The following TFAP2B variants were observed in gnomAD, a reference collection of about 807,000 sequenced individuals.
TFAP2B encodes the protein transcription factor AP-2-beta.
TFAP2B carries 9 observed loss-of-function variants against 44.3 expected under a neutral mutation model. That is an observed-to-expected ratio of 0.20 (90% CI 0.12 to 0.35). The LOEUF is 0.35. TFAP2B is among the 10% of genes least tolerant of loss of function. TFAP2B has a pLI of 1.00. For synonymous variants in TFAP2B, 270 were observed against 263.8 expected (o/e 1.02, Z -0.23); for missense variants, 509 against 600.0 (o/e 0.85, Z 1.59).
chr6:50,845,609 G>T lies in TFAP2B; in HGVS notation c.*2217G>T, dbSNP rs1335972172. Reference sequence around the variant, plus strand: ...TCCCAGCTCAGAGGCCTGCGCCTTCGTCCGAGAGCTCGGCCGATCGCATTA... The same window carrying T: ...TCCCAGCTCAGAGGCCTGCGCCTTCTTCCGAGAGCTCGGCCGATCGCATTA... On this transcript the variant is annotated 3_prime_UTR_variant, in exon 7 of 7. Coordinates refer to ENST00000393655, the MANE Select transcript of TFAP2B (RefSeq NM_003221.4). The T allele has an allele frequency of 7.9e-5, 12 of 152,776 alleles. No individual in the cohort carries two copies. The highest frequency in any genetic ancestry group is 7.8e-4 in the Admixed American group (12 of 15,288). 9.5% of individuals were successfully genotyped at this position (152,776 alleles called of 1,614,324 possible).
At chr6:50,832,852 C>A (rs533761928) in intron 3 of TFAP2B, among the ~76,000 whole-genome samples, 1 of 152,264 alleles carries the variant, frequency 6.6e-6, no homozygotes, top group South Asian at 2.1e-4. Context: ...AATCATTTTT[C>A]TTTCCTCTCT....
intron 1 of TFAP2B, among the ~76,000 whole-genome samples, chr6:50,820,829 A>T (rs1216770194): frequency 6.6e-6 from 1 of 151,844 alleles, no homozygotes; most frequent in African/African-American, 2.4e-5. Context: ...TACAGAAAGT[A>T]AAGTAGCTAA....
At chr6:50,827,800 G>A (rs1011341037) in intron 2 of TFAP2B, among the ~76,000 whole-genome samples, 7 of 152,250 alleles carry the variant, frequency 4.6e-5, no homozygotes, top group African/African-American at 1.7e-4. Context: ...TGCTCCAACA[G>A]CTATTTCCTC....
Position 50,840,308 on chromosome 6 carries a change from T to C in TFAP2B, c.1082+11T>C. 1.2e-6 allele frequency: 2 copies of C among 1,613,244 alleles called. No homozygotes were observed. Among genetic ancestry groups the C allele is most frequent in the Non-Finnish European group, 1.7e-6 (2 of 1,180,024 alleles). On this transcript the variant is annotated intron_variant, in intron 6 of 6. Coordinates refer to ENST00000393655, the MANE Select transcript of TFAP2B (RefSeq NM_003221.4). The stretch of plus-strand genomic sequence containing the variant: ...GCTGTTGGCCACCAAGTGAGTTTAT[T>C]AGACTCTGGGCCCTCATCTCACTCC...
At chr6:50,822,096 T>C (rs1561957479) in intron 1 of TFAP2B, 1 of 1,300,366 alleles carries the variant, frequency 7.7e-7, no homozygotes, top group Admixed American at 2.3e-5. Flanking sequence ...TTTTAATCAT[T>C]GTTTGATTTT....
chr6:50,837,939 T>G (rs1308547958), intron 4 of TFAP2B, 36 bp from the exon 5 acceptor site: 3 of 1,528,132 alleles, frequency 2.0e-6, no homozygotes, highest in Non-Finnish European at 1.8e-6. Context: ...AGGAACACTC[T>G]AAGGTTAATC....
Position 50,822,730 on chromosome 6 carries a change from G to A in TFAP2B, c.82-677G>A, listed in dbSNP as rs114108047. On this transcript the variant is annotated intron_variant, in intron 1 of 6. Transcript: ENST00000393655. Reference sequence around the variant, plus strand: ...TTAATTCATCATTGGCTTAGGATATGATTTCGAATGAGATCCATTTCAATG... The same window carrying A: ...TTAATTCATCATTGGCTTAGGATATAATTTCGAATGAGATCCATTTCAATG... Among the ~76,000 whole-genome samples, 915 of 152,292 alleles carry A rather than the reference G, an allele frequency of 6.0e-3. 11 individuals carry two copies. The highest frequency in any genetic ancestry group is 0.02 in the African/African-American group (852 of 41,562).
Position 50,836,055 on chromosome 6 carries a change from T to G in TFAP2B, c.602-6T>G. The G allele has an allele frequency of 1.2e-6, 2 of 1,613,412 alleles. No homozygotes were observed. Among genetic ancestry groups the G allele is most frequent in the Non-Finnish European group, 1.7e-6 (2 of 1,179,360 alleles). On this transcript the variant is annotated splice_polypyrimidine_tract_variant and splice_region_variant and intron_variant, in intron 3 of 6. Transcript: ENST00000393655. ...ACCTTTATGGCAATTTTTTCTCTCT[T>G]TCTAGTTCCAGTTCCTCCCAAATCG...
In TFAP2B at chr6:50,836,300, C is replaced by CAAAAACAAAAACAA; in HGVS notation, c.821+30_821+43dup. 1 of 1,578,710 alleles carries CAAAAACAAAAACAA rather than the reference C, an allele frequency of 6.3e-7. No homozygotes were observed. Among genetic ancestry groups the CAAAAACAAAAACAA allele is most frequent in the Non-Finnish European group, 8.7e-7 (1 of 1,151,292 alleles). On this transcript the variant is annotated intron_variant, in intron 4 of 6. Coordinates refer to ENST00000393655, the MANE Select transcript of TFAP2B (RefSeq NM_003221.4). Reference sequence around the variant, plus strand: ...CAGAAGGTAACCCCACCACGAAAAACAAAAACAAAAACAAAAAAACAAACA... The same window carrying CAAAAACAAAAACAA: ...CAGAAGGTAACCCCACCACGAAAAACAAAAACAAAAACAAAAAAACAAAAACAAAAAAACAAACA...
chr6:50,833,936 G>C (rs2113946354), intron 3 of TFAP2B, among the ~76,000 whole-genome samples: 1 of 152,266 alleles, frequency 6.6e-6, no homozygotes, highest in East Asian at 1.9e-4. Flanking sequence ...GCTAAGTATA[G>C]AGGTGAGATT....
rs1770591657 is a variant in TFAP2B at position 50,828,656 on chromosome 6, T to C, written c.578T>C (p.Leu193Ser). The C allele has an allele frequency of 2.5e-6, 4 of 1,614,122 alleles. No individual in the cohort carries two copies. Among genetic ancestry groups the C allele is most frequent in the Non-Finnish European group, 3.4e-6 (4 of 1,179,980 alleles). Residue 193 changes from leucine to serine, a missense_variant, in exon 3 of 7, where the codon TTG becomes TCG. Physicochemically the swap from Leu to Ser is moderately radical, Grantham distance 145. Transcript: ENST00000393655. ...GCCAATAACAGCGGCATGAATCTATTGGACCAGTCTGTCATTAAAAAAGGT... is the reference window on the plus strand; with the variant it reads ...GCCAATAACAGCGGCATGAATCTATCGGACCAGTCTGTCATTAAAAAAGGT... ...EDANNSGMNL[L>S]DQSVIKKVPV... is the part of the protein sequence containing the mutation.
intron 4 of TFAP2B, among the ~76,000 whole-genome samples, chr6:50,837,564 C>G (rs539037253): frequency 6.6e-6 from 1 of 152,150 alleles, no homozygotes; most frequent in Non-Finnish European, 1.5e-5. Flanking sequence ...GCAGCAAGTG[C>G]GCTCTCCTCT....
intron 1 of TFAP2B, among the ~76,000 whole-genome samples, chr6:50,820,425 A>T (rs1405546298): frequency 6.6e-6 from 1 of 152,110 alleles, no homozygotes; most frequent in Non-Finnish European, 1.5e-5. Context: ...GGGTGTGTGT[A>T]TGTGTGGAGG....
rs759694302 is a variant in TFAP2B at position 50,843,235 on chromosome 6, C to T, written c.1226C>T (p.Ala409Val). Residue 409 changes from alanine (A) to valine (V), a missense_variant, in exon 7 of 7, where the codon GCC becomes GTC. Physicochemically the swap from Ala to Val is moderately conservative, Grantham distance 64. Coordinates refer to ENST00000393655, the MANE Select transcript of TFAP2B (RefSeq NM_003221.4). ...SLITHGFGAPAICAALTALQN... is the reference protein window; with the variant it reads ...SLITHGFGAPVICAALTALQN... ...ATCACGCACGGCTTCGGCGCCCCGG[C>T]CATTTGCGCCGCGCTCACGGCCCTG... The T allele has an allele frequency of 6.2e-7, 1 of 1,614,200 alleles. No homozygotes were observed. The highest frequency in any genetic ancestry group is 1.1e-5 in the South Asian group (1 of 91,080).
In TFAP2B at chr6:50,838,086, G is replaced by C. The variant is rs1762656724; in HGVS notation, c.933G>C (p.Leu311=). 1 of 1,613,446 alleles carries C rather than the reference G, an allele frequency of 6.2e-7. No homozygotes were observed. The highest frequency in any genetic ancestry group is 8.5e-7 in the Non-Finnish European group (1 of 1,179,330). ...CAAATGTCACGTTACTCACCTCCCTGGTGGAAGGTAAGCAAGACGTGTGGC... is the reference window on the plus strand; with the variant it reads ...CAAATGTCACGTTACTCACCTCCCTCGTGGAAGGTAAGCAAGACGTGTGGC... ...KAANVTLLTS[L]VEGEAVHLAR... is the part of the protein sequence containing the mutation. The change falls in exon 5 of 7, where the codon CTG becomes CTC. Residue 311 remains leucine (L), a synonymous_variant. Transcript: ENST00000393655.
intron 3 of TFAP2B, among the ~76,000 whole-genome samples, chr6:50,835,321 T>C (rs1762598594): frequency 6.6e-6 from 1 of 152,254 alleles, no homozygotes; most frequent in African/African-American, 2.4e-5. Context: ...GGTGCTTTAA[T>C]TTGTAAACAA....
In TFAP2B at chr6:50,819,468, G is replaced by A. The variant is rs76549054; in HGVS notation, c.81+496G>A. Among the ~76,000 whole-genome samples, 636 of 152,084 alleles carry A rather than the reference G, an allele frequency of 4.2e-3. 4 individuals carry two copies. The highest frequency in any genetic ancestry group is 0.015 in the African/African-American group (604 of 41,466). On this transcript the variant is annotated intron_variant, in intron 1 of 6. Coordinates refer to ENST00000393655, the MANE Select transcript of TFAP2B (RefSeq NM_003221.4). ...TCCAAGTAGAGGACAGAGAATTAGC[G>A]GGAAAGAAGTAGATGGCTGGAGATA... is the stretch of plus-strand genomic sequence containing the variant.
At chr6:50,830,255 G>C (rs888126801) in intron 3 of TFAP2B, 6 of 975,620 alleles carry the variant, frequency 6.1e-6, no homozygotes, top group Non-Finnish European at 7.3e-6. Flanking sequence ...GCTGGCAGGG[G>C]AACATGCCCA....
chr6:50,824,123 C>T (rs1028979871), intron 2 of TFAP2B, among the ~76,000 whole-genome samples: 1 of 152,186 alleles, frequency 6.6e-6, no homozygotes, highest in African/African-American at 2.4e-5. Flanking sequence ...TATGTATTTG[C>T]TTTGATACCT....
Sources: allele counts gnomAD v4.1 joint callset (sites outside exome capture counted in the v4.1 genomes callset), GRCh38; gene constraint gnomAD v4.1.1; transcripts MANE v1.5; gene names NCBI Gene and HGNC (gene_info 2026-07-23, HGNC 2026-07-21).